The following RAB14 variants were observed in gnomAD, a reference collection of about 807,000 sequenced individuals.
The protein encoded by RAB14 is ras-related protein Rab-14.
In RAB14, 3 loss-of-function variants were observed where a neutral mutation model predicts 31.1. The ratio of observed to expected loss-of-function variants is 0.10; its 90% CI spans 0.04 to 0.25. The LOEUF (loss-of-function observed/expected upper bound fraction) is 0.25, where lower values mean the gene tolerates loss of function less well. Ranked by LOEUF, RAB14 falls within the 10% of genes least tolerant of loss-of-function variation. The pLI, the probability that RAB14 is intolerant of heterozygous loss-of-function variation, is 1.00. For synonymous variants in RAB14, 85 were observed against 84.9 expected (o/e 1.00, Z 0.00); for missense variants, 111 against 260.1 (o/e 0.43, Z 3.94).
intron 4 of RAB14, among the ~76,000 whole-genome samples, chr9:121,190,285 T>C (rs1205830509): frequency 1.3e-5 from 2 of 152,082 alleles, no homozygotes; most frequent in Non-Finnish European, 2.9e-5. Flanking sequence ...CCTCAAATCA[T>C]TCAACTGAAG....
At chr9:121,190,505 C>A in intron 4 of RAB14, 49 bp downstream of exon 4, 1 of 1,493,758 alleles carries the variant, frequency 6.7e-7, no homozygotes, top group South Asian at 1.4e-5. Flanking sequence ...TTTAAATGCC[C>A]AAAGTAGATT....
At chr9:121,188,143 C>G (rs760052278) in intron 4 of RAB14, among the ~76,000 whole-genome samples, 2 of 151,900 alleles carry the variant, frequency 1.3e-5, no homozygotes, top group African/African-American at 4.8e-5. Context: ...TCATATATAT[C>G]AAAATAGCCC....
chr9:121,200,364 A>G (rs561129631), intron 1 of RAB14, among the ~76,000 whole-genome samples: 1 of 152,358 alleles, frequency 6.6e-6, no homozygotes, highest in Non-Finnish European at 1.5e-5. Flanking sequence ...TTAGAAAAAT[A>G]AAAGAATTTT....
Position 121,187,010 on chromosome 9 carries a change from T to C in RAB14, c.294A>G (p.Thr98=). The change falls in exon 5 of 8, where the codon ACA becomes ACG. Residue 98 remains threonine (T), a synonymous_variant. Coordinates refer to ENST00000373840, the MANE Select transcript of RAB14 (RefSeq NM_016322.4). Reference sequence around the variant, plus strand: ...TCAACCAGCTGCTTAAGTGGTTATATGTACTTCTTCTGCAAAAATAAAAGT... The same window carrying C: ...TCAACCAGCTGCTTAAGTGGTTATACGTACTTCTTCTGCAAAAATAAAAGT... ...LMVYDITRRS[T]YNHLSSWLTD... 1.3e-6 allele frequency: 2 copies of C among 1,558,116 alleles called. No homozygotes were observed. Among genetic ancestry groups the C allele is most frequent in the Non-Finnish European group, 1.7e-6 (2 of 1,153,508 alleles).
rs2053623694 is a variant in RAB14, at chr9:121,179,886, TTACC to T, written c.*1506_*1509del. ...GCATTTTCTATAGTACGCTGAGGTG[TTACC>T]TATTCTATTTCAAATAAATTCTCAA... is the stretch of plus-strand genomic sequence containing the variant. On this transcript the variant is annotated 3_prime_UTR_variant, in exon 8 of 8. Coordinates refer to ENST00000373840, the MANE Select transcript of RAB14 (RefSeq NM_016322.4). 6.6e-6 allele frequency: 1 copy of T among 152,558 alleles called. No homozygotes were observed. Among genetic ancestry groups the T allele is most frequent in the Admixed American group, 6.5e-5 (1 of 15,272 alleles). The allele number at this position is 152,558 out of a possible 1,614,324, so 9.5% of individuals were successfully genotyped here.
At chr9:121,196,584 G>A (rs2053718204) in intron 1 of RAB14, among the ~76,000 whole-genome samples, 1 of 152,074 alleles carries the variant, frequency 6.6e-6, no homozygotes, top group African/African-American at 2.4e-5. Context: ...ACTGAACCTA[G>A]GACTGTTTTA....
intron 6 of RAB14, among the ~76,000 whole-genome samples, 170 bp from the exon 7 acceptor site, chr9:121,183,130 A>G (rs937540002): frequency 1.1e-4 from 17 of 152,100 alleles, no homozygotes; most frequent in African/African-American, 4.1e-4. Flanking sequence ...TTGTCACTAA[A>G]TAACTGTACT....
intron 4 of RAB14, 53 bp downstream of exon 4, chr9:121,190,501 T>C (rs2053680843): frequency 6.9e-7 from 1 of 1,459,364 alleles, no homozygotes; most frequent in Non-Finnish European, 9.1e-7. Context: ...TTTTTTTAAA[T>C]GCCCAAAGTA....
In RAB14 at chr9:121,181,122, T is replaced by G; in HGVS notation, c.*274A>C. 1 of 285,174 alleles carries G rather than the reference T, an allele frequency of 3.5e-6. No individual in the cohort carries two copies. Among genetic ancestry groups the G allele is most frequent in the Non-Finnish European group, 6.5e-6 (1 of 154,008 alleles). The allele number at this position is 285,174 out of a possible 1,614,324, so 17.7% of individuals were successfully genotyped here. On this transcript the variant is annotated 3_prime_UTR_variant, in exon 8 of 8. Coordinates refer to ENST00000373840, the MANE Select transcript of RAB14 (RefSeq NM_016322.4). ...CAGCATCAGTGCTCGGTTTAAATCA[T>G]ATATTGGTGACATACTTATCACGAG...
At chr9:121,191,415 G>A (rs2132026346) in intron 3 of RAB14, among the ~76,000 whole-genome samples, 1 of 152,166 alleles carries the variant, frequency 6.6e-6, no homozygotes, top group East Asian at 1.9e-4. Context: ...ATAGCTCACT[G>A]TAACCTCGAA....
chr9:121,187,098 A>G, intron 4 of RAB14, 79 bp from the exon 5 acceptor site: 1 of 782,742 alleles, frequency 1.3e-6, no homozygotes, highest in Non-Finnish European at 1.9e-6. Flanking sequence ...TACATATTTA[A>G]TCAACATATC....
At chr9:121,194,069 T>C (rs952397312) in intron 1 of RAB14, among the ~76,000 whole-genome samples, 10 of 148,100 alleles carry the variant, frequency 6.8e-5, no homozygotes, top group Non-Finnish European at 1.2e-4. Context: ...TAGCTCAACC[T>C]AATACAGGAC....
intron 4 of RAB14, among the ~76,000 whole-genome samples, chr9:121,188,059 A>G (rs548419152): frequency 1.3e-4 from 20 of 152,112 alleles, no homozygotes; most frequent in African/African-American, 4.6e-4. Context: ...TGAGAACTGA[A>G]AAGAACTCCT....
intron 4 of RAB14, among the ~76,000 whole-genome samples, chr9:121,190,102 C>G (rs1011595257): frequency 6.6e-5 from 10 of 152,098 alleles, no homozygotes; most frequent in African/African-American, 2.2e-4. Flanking sequence ...CAAACACCTT[C>G]AGATGCAAGC....
chr9:121,190,068 A>G (rs1406157807), intron 4 of RAB14, among the ~76,000 whole-genome samples: 1 of 151,928 alleles, frequency 6.6e-6, no homozygotes, highest in Non-Finnish European at 1.5e-5. Flanking sequence ...TTTTAAGAGA[A>G]AAAAAAATTA....
intron 5 of RAB14, 141 bp from the exon 6 acceptor site, chr9:121,183,539 G>C: frequency 1.6e-6 from 1 of 636,394 alleles, no homozygotes; most frequent in Non-Finnish European, 2.7e-6. Flanking sequence ...TTATCCACTA[G>C]ACAGGGCTAC....
rs1269119565 is a variant in RAB14, at chr9:121,181,268, C to G, written c.*128G>C. 2.9e-6 allele frequency: 3 copies of G among 1,045,240 alleles called. No individual in the cohort carries two copies. Among genetic ancestry groups the G allele is most frequent in the Middle Eastern group, 6.8e-4 (2 of 2,946 alleles). The allele number at this position is 1,045,240 out of a possible 1,614,324, so 64.7% of individuals were successfully genotyped here. A position where few individuals can be genotyped will look rare whatever the true frequency, so the allele number is the denominator to read the frequency against. ...TTAGTATTGTGTTAAACTGTTTTTA[C>G]AACAGAGTTTTTTCTTTTTTTTTAA... On this transcript the variant is annotated 3_prime_UTR_variant, in exon 8 of 8. Transcript: ENST00000373840.
At position 121,192,239 on chromosome 9, in the gene RAB14, A is replaced by AT. The variant is rs1564321003; in HGVS notation, c.53-16_53-15insA. 6.3e-7 allele frequency: 1 copy of AT among 1,580,916 alleles called. No homozygotes were observed. Among genetic ancestry groups the AT allele is most frequent in the Admixed American group, 1.8e-5 (1 of 56,836 alleles). The stretch of plus-strand genomic sequence containing the variant: ...TCCCATGTCCCCTGTTTAAAAAAAA[A>AT]GAAGTTTCAGGTGGCAATTACATTT... On this transcript the variant is annotated splice_polypyrimidine_tract_variant and intron_variant, in intron 2 of 7. Transcript: ENST00000373840.
intron 4 of RAB14, among the ~76,000 whole-genome samples, chr9:121,188,817 C>A (rs1201055577): frequency 6.6e-6 from 1 of 151,984 alleles, no homozygotes; most frequent in Non-Finnish European, 1.5e-5. Context: ...ATATAATGAA[C>A]ATATCATAAA....
Sources: allele counts gnomAD v4.1 joint callset (sites outside exome capture counted in the v4.1 genomes callset), GRCh38; gene constraint gnomAD v4.1.1; transcripts MANE v1.5; gene names NCBI Gene and HGNC (gene_info 2026-07-23, HGNC 2026-07-21).